The following PDE4D variants were observed in gnomAD, a reference collection of about 807,000 sequenced individuals.
PDE4D encodes the protein 3',5'-cyclic-AMP phosphodiesterase 4D.
In PDE4D, 24 loss-of-function variants were observed where a neutral mutation model predicts 87.4. The ratio of observed to expected loss-of-function variants is 0.27; its 90% CI spans 0.20 to 0.39. The LOEUF (loss-of-function observed/expected upper bound fraction) is 0.39, where lower values mean the gene tolerates loss of function less well. Ranked by LOEUF, PDE4D falls within the 10% of genes least tolerant of loss-of-function variation. PDE4D has a pLI of 1.00. For synonymous variants in PDE4D, 384 were observed against 383.2 expected (o/e 1.00, Z -0.02); for missense variants, 714 against 1,041.0 (o/e 0.69, Z 4.32).
intron 1 of PDE4D, among the ~76,000 whole-genome samples, chr5:60,198,624 C>T (rs748111273): frequency 2.6e-5 from 4 of 151,594 alleles, no homozygotes; most frequent in Non-Finnish European, 4.4e-5. Context: ...TCTAAGAAGG[C>T]ACTCCTTAAA....
At chr5:60,481,029 T>C (rs1001066823) in intron 1 of PDE4D, among the ~76,000 whole-genome samples, 3 of 152,156 alleles carry the variant, frequency 2.0e-5, no homozygotes, top group Non-Finnish European at 4.4e-5. Flanking sequence ...AATATGAGAA[T>C]GTGACATGAG....
chr5:59,561,668 G>C (rs143576736), intron 1 of PDE4D, among the ~76,000 whole-genome samples: 20 of 152,078 alleles, frequency 1.3e-4, no homozygotes, highest in African/African-American at 4.6e-4. Flanking sequence ...GGTGGCTCAC[G>C]CCTGTAATTC....
At chr5:59,446,493 G>A (rs1798370111) in intron 1 of PDE4D, among the ~76,000 whole-genome samples, 1 of 152,184 alleles carries the variant, frequency 6.6e-6, no homozygotes, top group Non-Finnish European at 1.5e-5. Flanking sequence ...ACTCAAAATA[G>A]CATTCGCTAA....
At chr5:59,086,679 AC>A (rs1405389232) in intron 5 of PDE4D, among the ~76,000 whole-genome samples, 7 of 152,074 alleles carry the variant, frequency 4.6e-5, no homozygotes, top group African/African-American at 1.4e-4. Flanking sequence ...ACTGGCATTT[AC>A]CCTATCTGCA....
chr5:59,277,789 C>G (rs1390076280), intron 1 of PDE4D, among the ~76,000 whole-genome samples: 1 of 152,134 alleles, frequency 6.6e-6, no homozygotes, highest in African/African-American at 2.4e-5. Context: ...TTCTCTGTCA[C>G]ACACACACAA....
At chr5:59,934,274 A>T (rs2152791935) in intron 3 of PDE4D, among the ~76,000 whole-genome samples, 1 of 152,320 alleles carries the variant, frequency 6.6e-6, no homozygotes, top group South Asian at 2.1e-4. Flanking sequence ...AAATTACTGC[A>T]TAACGAAGTA....
chr5:59,881,139 T>C (rs1336511406), intron 1 of PDE4D, among the ~76,000 whole-genome samples: 1 of 152,208 alleles, frequency 6.6e-6, no homozygotes, highest in Admixed American at 6.5e-5. Flanking sequence ...GAAATTTATT[T>C]ATTTTTACTT....
intron 5 of PDE4D, among the ~76,000 whole-genome samples, chr5:59,137,190 G>T (rs565474816): frequency 6.6e-6 from 1 of 152,296 alleles, no homozygotes; most frequent in African/African-American, 2.4e-5. Flanking sequence ...GACTTCCCTT[G>T]CACCTCTGTC....
chr5:59,288,781 G>C (rs1042681950), intron 1 of PDE4D, among the ~76,000 whole-genome samples: 1 of 151,980 alleles, frequency 6.6e-6, no homozygotes, highest in Non-Finnish European at 1.5e-5. Flanking sequence ...ACCTTATAGG[G>C]CAGGAGACAT....
intron 1 of PDE4D, among the ~76,000 whole-genome samples, chr5:59,661,097 T>TATATATATA (rs1561426172): frequency 1.4e-5 from 2 of 147,796 alleles, no homozygotes; most frequent in African/African-American, 2.5e-5. Context: ...TATATATATA[T>TATATATATA]TTTGTCATCT....
chr5:58,987,194 G>T (rs559002500), intron 11 of PDE4D, among the ~76,000 whole-genome samples: 2 of 152,120 alleles, frequency 1.3e-5, no homozygotes, highest in Non-Finnish European at 2.9e-5. Context: ...CCATGTAAAT[G>T]CAGGGAGCTG....
intron 3 of PDE4D, among the ~76,000 whole-genome samples, chr5:59,192,454 A>G (rs954401597): frequency 6.6e-6 from 1 of 152,192 alleles, no homozygotes; most frequent in Admixed American, 6.5e-5. Flanking sequence ...GCTCAAGTCC[A>G]TTGAGTTGGC....
chr5:60,127,676 A>G, intron 2 of PDE4D: 1 of 595,106 alleles, frequency 1.7e-6, no homozygotes, highest in Non-Finnish European at 3.0e-6. Flanking sequence ...GGTCGCAGTA[A>G]GCAGGCTGTG....
At chr5:60,324,265 A>G (rs1466741768) in intron 1 of PDE4D, among the ~76,000 whole-genome samples, 3 of 152,190 alleles carry the variant, frequency 2.0e-5, no homozygotes, top group African/African-American at 7.2e-5. Flanking sequence ...TATTTTCGAG[A>G]CTGTAAGAGA....
intron 5 of PDE4D, among the ~76,000 whole-genome samples, chr5:59,080,632 G>C (rs1413409067): frequency 6.6e-6 from 1 of 152,112 alleles, no homozygotes; most frequent in Admixed American, 6.5e-5. Context: ...AAAGCTACAG[G>C]GCAAAACGGG....
At chr5:59,825,559 G>A (rs886701948) in intron 1 of PDE4D, among the ~76,000 whole-genome samples, 2 of 152,140 alleles carry the variant, frequency 1.3e-5, no homozygotes, top group African/African-American at 4.8e-5. Flanking sequence ...CATGGTGGCC[G>A]CACACACTCT....
chr5:59,745,977 C>G (rs1759547077), intron 1 of PDE4D, among the ~76,000 whole-genome samples: 1 of 152,120 alleles, frequency 6.6e-6, no homozygotes, highest in Admixed American at 6.6e-5. Flanking sequence ...ATGTTAAAAC[C>G]TGGCATCATC....
intron 2 of PDE4D, among the ~76,000 whole-genome samples, chr5:60,012,683 C>T (rs898812512): frequency 1.3e-5 from 2 of 152,254 alleles, no homozygotes; most frequent in African/African-American, 2.4e-5. Context: ...CAAATGCCAT[C>T]GACAGCTTCA....
At chr5:59,882,015 T>C (rs1219957369) in intron 1 of PDE4D, among the ~76,000 whole-genome samples, 2 of 152,216 alleles carry the variant, frequency 1.3e-5, no homozygotes, top group Admixed American at 1.3e-4. Context: ...GCCTATCCCA[T>C]TGAAGCCATG....
Sources: gnomAD v4.1 joint callset for allele counts (sites outside exome capture counted in the v4.1 genomes callset) on GRCh38, gnomAD v4.1.1 for gene constraint, MANE v1.5 for transcripts, NCBI Gene and HGNC (gene_info 2026-07-23, HGNC 2026-07-21) for gene names.